Variants in ABCC5 observed in about 807,000 individuals in gnomAD.
The protein encoded by ABCC5 is ATP binding cassette subfamily C member 5.
A neutral mutation model predicts 160.9 loss-of-function variants in ABCC5; 61 were observed. The observed-to-expected ratio is 0.38, with a 90% CI of 0.31 to 0.47. The LOEUF (loss-of-function observed/expected upper bound fraction) is 0.47, where lower values mean the gene tolerates loss of function less well. ABCC5 is among the 20% of genes least tolerant of loss of function. The pLI, the probability that ABCC5 is intolerant of heterozygous loss-of-function variation, is 0.99. For synonymous variants in ABCC5, 666 were observed against 700.6 expected, an observed-to-expected ratio of 0.95 and a Z score of 0.78; for missense variants, 1,308 against 1,813.3, an observed-to-expected ratio of 0.72 and a Z score of 5.06.
intron 10 of ABCC5, among the ~76,000 whole-genome samples, chr3:183,972,806 G>A (rs947709711): frequency 6.6e-6 from 1 of 151,872 alleles, no homozygotes; most frequent in Non-Finnish European, 1.5e-5. Flanking sequence ...CACCATGCCC[G>A]GCTAATTTTT....
intron 2 of ABCC5, among the ~76,000 whole-genome samples, chr3:184,000,416 A>C (rs1163256885): frequency 2.0e-5 from 3 of 152,156 alleles, no homozygotes; most frequent in Admixed American, 2.0e-4. Flanking sequence ...CGAGTAGTGG[A>C]CTTGTACTGA....
intron 11 of ABCC5, among the ~76,000 whole-genome samples, chr3:183,969,741 T>C (rs1717568366): frequency 6.6e-6 from 1 of 151,486 alleles, no homozygotes; most frequent in Admixed American, 6.6e-5. Context: ...CTGACTTGCA[T>C]GCCCTTCAAT....
At position 183,921,467 on chromosome 3, in the gene ABCC5, C is replaced by CG. The variant is rs752410221; in HGVS notation, c.4213-67dup. The CG allele has an allele frequency of 1.3e-5, 19 of 1,485,462 alleles. No homozygotes were observed. Among genetic ancestry groups the CG allele is most frequent in the Admixed American group, 8.4e-5 (4 of 47,392 alleles). 92.0% of individuals were successfully genotyped at this position (1,485,462 alleles called of 1,614,324 possible). A position where few individuals can be genotyped will look rare whatever the true frequency, so the allele number is the denominator to read the frequency against. ...CATGCAGGGTGATTCAGAGGATCCA[C>CG]GGCTCAGTAAGTGCCAGTGCCCTCT... On this transcript the variant is annotated intron_variant, in intron 29 of 29. Transcript: ENST00000334444. This position sits in a 1 kb window ranked among gnomAD's most constrained non-coding sequence, Gnocchi z 4.1.
rs375983908 is a variant in ABCC5 at position 183,938,539 on chromosome 3, C to T, written c.3695-479G>A. Among the ~76,000 whole-genome samples the T allele has an allele frequency of 3.1e-4, 47 of 152,212 alleles. No individual in the cohort carries two copies. In the East Asian group the frequency reaches 4.8e-3, roughly 16 times the overall value. ...GTCTCAAACTCCTGATCTCGTGATC[C>T]GCCCACCTTGGCCTCCCAAAATGCT... On this transcript the variant is annotated intron_variant, in intron 25 of 29. Coordinates refer to ENST00000334444, the MANE Select transcript of ABCC5 (RefSeq NM_005688.4).
chr3:184,017,307 G>A lies in ABCC5; in HGVS notation c.-56+523C>T, dbSNP rs1722269920. 6.6e-6 allele frequency: 1 copy of A among 152,232 alleles called. No homozygotes were observed. The highest frequency in any genetic ancestry group is 2.1e-4 in the South Asian group (1 of 4,832). 9.4% of individuals were successfully genotyped at this position (152,232 alleles called of 1,614,324 possible). A position where few individuals can be genotyped will look rare whatever the true frequency, so the allele number is the denominator to read the frequency against. On this transcript the variant is annotated intron_variant, in intron 1 of 29. Coordinates refer to ENST00000334444, the MANE Select transcript of ABCC5 (RefSeq NM_005688.4). The surrounding 1 kb of genome is among the most constrained non-coding windows in gnomAD (Gnocchi z 4.5). ...GCTTTGCTGCGCGTGCTTATGTCAC[G>A]TACCTCCATTTACCCGCTTGCAAAA...
chr3:184,014,309 C>T lies in ABCC5; in HGVS notation c.84G>A (p.Gly28=). ...TGGAATCTTCACGGTCTCTGTGCGT[C>T]CCAGAAGTGCTGGTTCTCTCCCTCA... ...RSVRERTSTS[G]THRDREDSKF... The change falls in exon 2 of 30, where the codon GGG becomes GGA. Residue 28 remains glycine (G), a synonymous_variant. Transcript: ENST00000334444. 1.2e-6 allele frequency: 2 copies of T among 1,614,064 alleles called. No individual in the cohort carries two copies. The highest frequency in any genetic ancestry group is 2.2e-5 in the East Asian group (1 of 44,878).
chr3:183,986,976 T>C (rs1719273830), intron 5 of ABCC5: 1 of 152,190 alleles, frequency 6.6e-6, no homozygotes. Flanking sequence ...CAAATTAGTT[T>C]TACCTAATTG....
chr3:183,942,590 A>T, intron 25 of ABCC5, 137 bp downstream of exon 25: 3 of 1,084,588 alleles, frequency 2.8e-6, no homozygotes, highest in Admixed American at 4.0e-5. Flanking sequence ...CAATAAACCT[A>T]GAAAATTGGT....
At chr3:183,983,622 TA>T in intron 5 of ABCC5, 2 of 488,720 alleles carry the variant, frequency 4.1e-6, no homozygotes, top group Non-Finnish European at 5.3e-6. Context: ...AGCATATGTC[TA>T]ACACCACCTG....
intron 5 of ABCC5, chr3:183,986,832 G>A (rs1719260533): frequency 6.6e-6 from 1 of 152,012 alleles, no homozygotes; most frequent in South Asian, 2.1e-4. Flanking sequence ...TTTATATAAA[G>A]TATGTTAGTT....
At chr3:183,977,954 T>C (rs1718369463) in intron 9 of ABCC5, among the ~76,000 whole-genome samples, 2 of 152,288 alleles carry the variant, frequency 1.3e-5, no homozygotes, top group African/African-American at 4.8e-5. Flanking sequence ...GGTTTCACCA[T>C]GTTGGCCAGG....
intron 27 of ABCC5, 156 bp from the exon 28 acceptor site, chr3:183,927,599 C>A: frequency 1.0e-5 from 10 of 985,418 alleles, no homozygotes; most frequent in Non-Finnish European, 1.2e-5. Flanking sequence ...ACTGATCATG[C>A]GTGCTAGGAC....
intron 5 of ABCC5, chr3:183,984,614 A>T: frequency 1.4e-6 from 2 of 1,404,624 alleles, no homozygotes; most frequent in East Asian, 5.4e-5. Flanking sequence ...AACCTGATCA[A>T]ATAGGAGACT....
chr3:183,929,592 A>T (rs1340947462), intron 26 of ABCC5, among the ~76,000 whole-genome samples: 2 of 152,176 alleles, frequency 1.3e-5, no homozygotes, highest in East Asian at 3.8e-4. Flanking sequence ...ATCCAGTAGA[A>T]GGGAAGAGGA....
intron 22 of ABCC5, among the ~76,000 whole-genome samples, chr3:183,948,475 T>C (rs1462564116): frequency 6.6e-6 from 1 of 151,130 alleles, no homozygotes; most frequent in Non-Finnish European, 1.5e-5. Flanking sequence ...ATTTAACATT[T>C]TGAAAATAAT....
At chr3:183,936,080 G>A (rs1713684824) in intron 26 of ABCC5, among the ~76,000 whole-genome samples, 1 of 152,122 alleles carries the variant, frequency 6.6e-6, no homozygotes, top group South Asian at 2.1e-4. Flanking sequence ...CTGTAAGGAG[G>A]AGATTAGGTT....
Position 183,961,161 on chromosome 3 carries a change from G to C in ABCC5, c.2379+350C>G, listed in dbSNP as rs770798898. On this transcript the variant is annotated intron_variant, in intron 16 of 29. Coordinates refer to ENST00000334444, the MANE Select transcript of ABCC5 (RefSeq NM_005688.4). ...TTTATTCACTTGTTTATTTAAAAAA[G>C]AGCTTCATAATGCTTCAATCAGGTG... 2.2e-3 allele frequency among the ~76,000 whole-genome samples: 341 copies of C among 152,122 alleles called. 2 individuals carry two copies. Among genetic ancestry groups the C allele is most frequent in the Non-Finnish European group, 4.2e-3 (285 of 68,032 alleles).
chr3:183,989,725 G>T (rs1269806509), intron 2 of ABCC5, among the ~76,000 whole-genome samples: 3 of 151,628 alleles, frequency 2.0e-5, no homozygotes, highest in African/African-American at 7.3e-5. Flanking sequence ...CCATTAGTGT[G>T]GTACCTTTGT....
intron 2 of ABCC5, among the ~76,000 whole-genome samples, chr3:184,010,798 C>CTT (rs55882083): frequency 0.52 from 71,225 of 136,302 alleles, 18,852 homozygotes; most frequent in East Asian, 0.74. Flanking sequence ...CATTCTTCTT[C>CTT]TTTTTTTTTT....
Sources: allele counts gnomAD v4.1 joint callset (sites outside exome capture counted in the v4.1 genomes callset), GRCh38; gene constraint gnomAD v4.1.1; non-coding constraint Gnocchi (gnomAD v3.1); transcripts MANE v1.5; gene names NCBI Gene and HGNC (gene_info 2026-07-23, HGNC 2026-07-21).